Variants in UNC13B observed in about 807,000 individuals in gnomAD.
UNC13B encodes the protein unc-13 homolog B.
Under a neutral mutation model 211.0 loss-of-function variants are expected in UNC13B, and 144 were observed. The observed-to-expected ratio is 0.68, with a 90% CI of 0.60 to 0.78. UNC13B has a LOEUF of 0.78. UNC13B is among the 30% of genes least tolerant of loss of function. The pLI, the probability that UNC13B is intolerant of heterozygous loss-of-function variation, is 0.00. For missense variants in UNC13B, 1,777 were observed against 2,002.0 expected, an observed-to-expected ratio of 0.89 and a Z score of 2.14; for synonymous variants, 709 against 725.8, an observed-to-expected ratio of 0.98 and a Z score of 0.37.
Position 35,384,405 on chromosome 9 carries a change from C to T in UNC13B, c.10875+91C>T, listed in dbSNP as rs114807268. 1.5e-3 allele frequency: 2,297 copies of T among 1,524,222 alleles called. 40 individuals carry two copies. The African/African-American group carries it at 0.027, about 18-fold the overall frequency. The allele number at this position is 1,524,222 out of a possible 1,614,324, so 94.4% of individuals were successfully genotyped here. On this transcript the variant is annotated intron_variant, in intron 22 of 39. Coordinates refer to ENST00000635942, the MANE Select transcript of UNC13B (RefSeq NM_001371189.2). ...CCAATCTTGGCTATAAAGATTGAGG[C>T]CAGGGAAAACTGGTCTGTGTCATCA...
At chr9:35,334,185 T>C (rs1348834335) in intron 11 of UNC13B, among the ~76,000 whole-genome samples, 3 of 152,152 alleles carry the variant, frequency 2.0e-5, no homozygotes, top group Non-Finnish European at 4.4e-5. Context: ...AGGCTGGTCT[T>C]GAACTCCTGA....
intron 7 of UNC13B, among the ~76,000 whole-genome samples, chr9:35,293,033 C>T (rs994248799): frequency 2.0e-5 from 3 of 152,178 alleles, no homozygotes; most frequent in African/African-American, 2.4e-5. Context: ...GGCTTGGTGC[C>T]AGGAGGTTTA....
chr9:35,312,426 T>C (rs554862049), intron 10 of UNC13B, among the ~76,000 whole-genome samples: 1 of 152,332 alleles, frequency 6.6e-6, no homozygotes, highest in South Asian at 2.1e-4. Flanking sequence ...CTTATTGGGT[T>C]GATGACTCAC....
chr9:35,359,861 C>T (rs1022168895), intron 11 of UNC13B, among the ~76,000 whole-genome samples: 12 of 152,188 alleles, frequency 7.9e-5, no homozygotes, highest in African/African-American at 2.9e-4. Flanking sequence ...ACAGTCTGTT[C>T]TCCTCACAAC....
chr9:35,282,077 T>C lies in UNC13B; in HGVS notation c.527-13619T>C, dbSNP rs184549851. On this transcript the variant is annotated intron_variant, in intron 7 of 39. Coordinates refer to ENST00000635942, the MANE Select transcript of UNC13B (RefSeq NM_001371189.2). ...GACTTTATGCAGAGGAATGAAACAA[T>C]TAGATAGCAGTGATTATAGTGATGT... is the stretch of plus-strand genomic sequence containing the variant. Among the ~76,000 whole-genome samples, 109 of 152,318 alleles carry C rather than the reference T, an allele frequency of 7.2e-4. 1 individual carries two copies. The highest frequency in any genetic ancestry group is 7.1e-3 in the Admixed American group (108 of 15,300).
At chr9:35,368,815 A>T (rs964731445) in intron 12 of UNC13B, among the ~76,000 whole-genome samples, 1 of 147,008 alleles carries the variant, frequency 6.8e-6, no homozygotes, top group Non-Finnish European at 1.5e-5. Context: ...ATTTATGTTT[A>T]AAAAAAAAAC....
chr9:35,361,336 G>C (rs900280281), intron 11 of UNC13B: 4 of 152,166 alleles, frequency 2.6e-5, no homozygotes, highest in Admixed American at 6.5e-5. Context: ...GGGAAGCACA[G>C]AAAGTTTGAT....
chr9:35,385,694 C>G, intron 22 of UNC13B, 30 bp from the exon 23 acceptor site: 3 of 1,582,368 alleles, frequency 1.9e-6, no homozygotes, highest in Non-Finnish European at 2.6e-6. Context: ...GTCCTCTGTT[C>G]CTTTCTTACA....
chr9:35,207,179 T>C (rs1183461198), intron 1 of UNC13B, among the ~76,000 whole-genome samples: 1 of 152,194 alleles, frequency 6.6e-6, no homozygotes. Flanking sequence ...TGAAATGATA[T>C]CTTACTGTGG....
At chr9:35,188,562 CT>C (rs1367519253) in intron 1 of UNC13B, among the ~76,000 whole-genome samples, 1 of 152,176 alleles carries the variant, frequency 6.6e-6, no homozygotes, top group Non-Finnish European at 1.5e-5. Context: ...CTGTGTACCT[CT>C]TCTCTGGATT....
intron 7 of UNC13B, among the ~76,000 whole-genome samples, chr9:35,259,315 C>T (rs147782880): frequency 8.6e-4 from 131 of 152,090 alleles, no homozygotes; most frequent in African/African-American, 3.0e-3. Flanking sequence ...AATGATTTAA[C>T]CCCCTCTATC....
chr9:35,255,758 A>G (rs1457775758), intron 6 of UNC13B, among the ~76,000 whole-genome samples: 2 of 152,102 alleles, frequency 1.3e-5, no homozygotes, highest in Non-Finnish European at 2.9e-5. Flanking sequence ...TTATTCCCAG[A>G]AGCAATTTGG....
intron 6 of UNC13B, among the ~76,000 whole-genome samples, chr9:35,249,423 G>A (rs1417986042): frequency 1.3e-5 from 2 of 152,124 alleles, no homozygotes; most frequent in Non-Finnish European, 2.9e-5. Context: ...TAGTTTGCTC[G>A]TTAGTTGATG....
chr9:35,295,806 G>A lies in UNC13B; in HGVS notation c.637G>A (p.Val213Met). ...TACAGCTTCCCAGCCCAACGCTTCT[G>A]TGCACCAGTTCCCTGTGCCGGTGCG... is the stretch of plus-strand genomic sequence containing the variant. ...YHTASQPNAS[V>M]HQFPVPVRSP... The change falls in exon 8 of 40, where the codon GTG becomes ATG. Residue 213 changes from valine to methionine, a missense_variant. Coordinates refer to ENST00000635942, the MANE Select transcript of UNC13B (RefSeq NM_001371189.2). The A allele has an allele frequency of 6.2e-7, 1 of 1,614,128 alleles. No homozygotes were observed. Among genetic ancestry groups the A allele is most frequent in the East Asian group, 2.2e-5 (1 of 44,888 alleles).
chr9:35,292,551 G>A (rs901159765), intron 7 of UNC13B, among the ~76,000 whole-genome samples: 1 of 152,102 alleles, frequency 6.6e-6, no homozygotes, highest in Non-Finnish European at 1.5e-5. Context: ...AGCTTCCTTA[G>A]TTACCCTATC....
At chr9:35,353,455 G>A (rs1433271563) in intron 11 of UNC13B, 2 of 1,232,138 alleles carry the variant, frequency 1.6e-6, no homozygotes, top group African/African-American at 1.6e-5. Context: ...GCTCACTGGA[G>A]AGCCCTGGGA....
At chr9:35,313,625 AAAATAAATAAATAAATAAAT>A (rs149145175) in intron 10 of UNC13B, among the ~76,000 whole-genome samples, 41 of 133,990 alleles carry the variant, frequency 3.1e-4, no homozygotes, top group African/African-American at 9.4e-4. Context: ...ACCCTGTCTC[AAAATAAATAAATAAATAAAT>A]AAATAAATAA....
intron 11 of UNC13B, among the ~76,000 whole-genome samples, chr9:35,351,109 T>C (rs1832692906): frequency 6.6e-6 from 1 of 152,218 alleles, no homozygotes; most frequent in African/African-American, 2.4e-5. Flanking sequence ...ATTGATACTC[T>C]AAGGGGAAGC....
chr9:35,328,934 AT>A (rs560053833), intron 11 of UNC13B, among the ~76,000 whole-genome samples: 8 of 147,644 alleles, frequency 5.4e-5, no homozygotes, highest in Non-Finnish European at 6.0e-5. Flanking sequence ...TGCCTGGCTA[AT>A]TTTTTTTTTG....
Sources: allele counts gnomAD v4.1 joint callset (sites outside exome capture counted in the v4.1 genomes callset), GRCh38; gene constraint gnomAD v4.1.1; transcripts MANE v1.5; gene names NCBI Gene and HGNC (gene_info 2026-07-23, HGNC 2026-07-21).